Variants in CHSY3 observed in about 807,000 individuals in gnomAD.
CHSY3 encodes the protein N-acetylgalactosaminyl-proteoglycan 3-beta-glucuronosyltransferase 3.
In CHSY3, 35 loss-of-function variants were observed where a neutral mutation model predicts 67.2. The ratio of observed to expected loss-of-function variants is 0.52; its 90% CI spans 0.40 to 0.69. The LOEUF is 0.69. Among genes scored for constraint, CHSY3 ranks in the 30% least tolerant of loss-of-function variants. The probability of loss-of-function intolerance (pLI) is 0.00; values close to 1 mark genes in which losing one functional copy is unlikely to be tolerated. For synonymous variants in CHSY3, 474 were observed against 434.7 expected, an observed-to-expected ratio of 1.09 and a Z score of -1.12; for missense variants, 1,069 against 1,138.5, an observed-to-expected ratio of 0.94 and a Z score of 0.88.
intron 2 of CHSY3, among the ~76,000 whole-genome samples, chr5:130,050,419 T>C (rs1385992317): frequency 6.6e-6 from 1 of 152,138 alleles, no homozygotes; most frequent in Non-Finnish European, 1.5e-5. Context: ...GTGCTATGTC[T>C]ACACAAAGAA....
chr5:130,132,092 G>A (rs568440499), intron 2 of CHSY3, among the ~76,000 whole-genome samples: 1 of 152,184 alleles, frequency 6.6e-6, no homozygotes, highest in Admixed American at 6.5e-5. Flanking sequence ...AGCCCATTTT[G>A]AACTTACTGT....
At chr5:130,049,412 T>C (rs547969857) in intron 2 of CHSY3, among the ~76,000 whole-genome samples, 7 of 152,194 alleles carry the variant, frequency 4.6e-5, no homozygotes, top group Middle Eastern at 3.4e-3. Flanking sequence ...TCTTTCCCCT[T>C]TTATTTTTCC....
At chr5:130,040,932 G>A (rs1158705602) in intron 2 of CHSY3, among the ~76,000 whole-genome samples, 1 of 152,070 alleles carries the variant, frequency 6.6e-6, no homozygotes, top group Non-Finnish European at 1.5e-5. Flanking sequence ...AGCTCAAGCA[G>A]CAAAATTGCT....
chr5:130,004,485 G>C (rs4336390), intron 2 of CHSY3, among the ~76,000 whole-genome samples: 143,458 of 152,244 alleles, frequency 0.94, 67,696 homozygotes, highest in East Asian at 1. Context: ...GTATGTAAAT[G>C]CATAGAAGCA....
intron 2 of CHSY3, among the ~76,000 whole-genome samples, chr5:129,982,856 A>T (rs1322711794): frequency 3.3e-5 from 5 of 152,066 alleles, no homozygotes; most frequent in Middle Eastern, 3.2e-3. Context: ...AGAAAGGGAG[A>T]GTGATAGCTA....
chr5:130,021,780 C>A (rs1192518476), intron 2 of CHSY3, among the ~76,000 whole-genome samples: 1 of 152,018 alleles, frequency 6.6e-6, no homozygotes, highest in Non-Finnish European at 1.5e-5. Context: ...GTGAGAGGAG[C>A]AAATATGTGA....
At chr5:129,932,875 G>A (rs974834213) in intron 2 of CHSY3, among the ~76,000 whole-genome samples, 3 of 151,874 alleles carry the variant, frequency 2.0e-5, no homozygotes, top group Non-Finnish European at 2.9e-5. Flanking sequence ...ATGGCCTGGA[G>A]AACGTTAGAA....
At chr5:130,040,260 G>T (rs1178344421) in intron 2 of CHSY3, among the ~76,000 whole-genome samples, 1 of 152,066 alleles carries the variant, frequency 6.6e-6, no homozygotes, top group Non-Finnish European at 1.5e-5. Flanking sequence ...GAAACACAAA[G>T]TAACTATCTT....
intron 2 of CHSY3, among the ~76,000 whole-genome samples, chr5:130,037,872 CA>C (rs1764905025): frequency 6.6e-6 from 1 of 151,976 alleles, no homozygotes; most frequent in Non-Finnish European, 1.5e-5. Context: ...GACAAGAATG[CA>C]GATTTTTTTG....
At chr5:130,032,137 G>A (rs1375178535) in intron 2 of CHSY3, among the ~76,000 whole-genome samples, 1 of 152,050 alleles carries the variant, frequency 6.6e-6, no homozygotes, top group African/African-American at 2.4e-5. Flanking sequence ...ATATGTATGG[G>A]TTTGGAATGT....
chr5:129,974,106 C>T (rs976263717), intron 2 of CHSY3, among the ~76,000 whole-genome samples: 7 of 152,154 alleles, frequency 4.6e-5, no homozygotes, highest in African/African-American at 1.4e-4. Context: ...GTCATAATTT[C>T]ATCAAGTCTA....
At chr5:130,008,811 A>G (rs750864212) in intron 2 of CHSY3, among the ~76,000 whole-genome samples, 40 of 152,356 alleles carry the variant, frequency 2.6e-4, no homozygotes, top group Non-Finnish European at 4.3e-4. Context: ...CAAGAAATTC[A>G]TTCTATATTC....
intron 2 of CHSY3, among the ~76,000 whole-genome samples, chr5:129,927,483 C>A (rs1761155732): frequency 6.6e-6 from 1 of 151,966 alleles, no homozygotes; most frequent in Non-Finnish European, 1.5e-5. Flanking sequence ...ATTTGAATTA[C>A]ACCAAATATC....
chr5:129,941,392 A>G (rs541143983), intron 2 of CHSY3, among the ~76,000 whole-genome samples: 2 of 152,304 alleles, frequency 1.3e-5, no homozygotes, highest in Non-Finnish European at 2.9e-5. Flanking sequence ...ATATTAAATT[A>G]TATGAGACAG....
chr5:129,907,194 T>C (rs1176264739), intron 1 of CHSY3, among the ~76,000 whole-genome samples: 1 of 152,238 alleles, frequency 6.6e-6, no homozygotes, highest in Non-Finnish European at 1.5e-5. Context: ...TTTTAATACT[T>C]TGAAAGATTG....
intron 2 of CHSY3, among the ~76,000 whole-genome samples, chr5:130,047,269 G>T (rs1765181476): frequency 6.6e-6 from 1 of 151,906 alleles, no homozygotes; most frequent in Non-Finnish European, 1.5e-5. Flanking sequence ...ATCTGATATT[G>T]TTCCCTAAGA....
At chr5:130,065,613 C>A (rs975753433) in intron 2 of CHSY3, among the ~76,000 whole-genome samples, 1 of 152,010 alleles carries the variant, frequency 6.6e-6, no homozygotes, top group Non-Finnish European at 1.5e-5. Context: ...TCCCTGAGAA[C>A]CTTAGTGATC....
intron 2 of CHSY3, among the ~76,000 whole-genome samples, chr5:129,985,288 C>T (rs1294856614): frequency 6.6e-6 from 1 of 152,150 alleles, no homozygotes; most frequent in Non-Finnish European, 1.5e-5. Flanking sequence ...TGAGTCCTTT[C>T]CCCATTGCTT....
intron 2 of CHSY3, among the ~76,000 whole-genome samples, chr5:129,932,175 C>CT (rs1243246310): frequency 7.0e-6 from 1 of 143,070 alleles, no homozygotes; most frequent in Admixed American, 7.1e-5. Flanking sequence ...ATCAGAGTCT[C>CT]TGATAGTTTT....
Sources: gnomAD v4.1 joint callset for allele counts (sites outside exome capture counted in the v4.1 genomes callset) on GRCh38, gnomAD v4.1.1 for gene constraint, MANE v1.5 for transcripts, NCBI Gene and HGNC (gene_info 2026-07-23, HGNC 2026-07-21) for gene names.